Variants in TNC observed in about 807,000 individuals in gnomAD.
TNC encodes tenascin C.
TNC carries 109 observed loss-of-function variants against 202.4 expected under a neutral mutation model. That is an observed-to-expected ratio of 0.54 (90% CI 0.46 to 0.63). TNC has a LOEUF of 0.63. Among genes scored for constraint, TNC ranks in the 30% least tolerant of loss-of-function variants. The probability of loss-of-function intolerance (pLI) is 0.00; values close to 1 mark genes in which losing one functional copy is unlikely to be tolerated. For missense variants in TNC, 2,756 were observed against 2,833.3 expected (o/e 0.97, Z 0.62); for synonymous variants, 1,007 against 1,089.7 (o/e 0.92, Z 1.50).
At position 115,081,806 on chromosome 9, in the gene TNC, G is replaced by T. The variant is rs775361900; in HGVS notation, c.2370C>A (p.Thr790=). 3.1e-6 allele frequency: 5 copies of T among 1,613,440 alleles called. No homozygotes were observed. The highest frequency in any genetic ancestry group is 4.2e-6 in the Non-Finnish European group (5 of 1,179,888). Residue 790 remains threonine, a synonymous_variant, in exon 6 of 28, where the codon ACC becomes ACA. Transcript: ENST00000350763. ...TCACCCTCTTCAGGCCAGGGCCCCG[G>T]GTATTGTTTTTCACTATGTGCAGAG... ...EISLHIVKNN[T]RGPGLKRVTT...
chr9:115,049,312 A>G (rs1288097086), intron 15 of TNC, among the ~76,000 whole-genome samples: 3 of 152,124 alleles, frequency 2.0e-5, no homozygotes, highest in Non-Finnish European at 4.4e-5. Context: ...AAAAGGAGTG[A>G]GCTTATGTTG....
rs1308370751 is a variant in TNC, at chr9:115,086,035, C to T, written c.1696G>A (p.Asp566Asn). 6.2e-7 allele frequency: 1 copy of T among 1,614,180 alleles called. No individual in the cohort carries two copies. The highest frequency in any genetic ancestry group is 1.7e-5 in the Admixed American group (1 of 60,028). ...KDCKEQRCPS[D>N]CHGQGRCVDG... Reference sequence around the variant, plus strand: ...ACGCAGCGGCCCTGGCCATGACAGTCACTGGGACATCTTTGCTCCTTGCAG... The same window carrying T: ...ACGCAGCGGCCCTGGCCATGACAGTTACTGGGACATCTTTGCTCCTTGCAG... Residue 566 changes from aspartate to asparagine, a missense_variant, in exon 3 of 28, where the codon GAC becomes AAC. Physicochemically the swap from Asp to Asn is conservative, Grantham distance 23. Coordinates refer to ENST00000350763, the MANE Select transcript of TNC (RefSeq NM_002160.4).
chr9:115,036,385 T>A, intron 20 of TNC, 144 bp from the exon 21 acceptor site: 1 of 881,044 alleles, frequency 1.1e-6, no homozygotes, highest in Non-Finnish European at 1.8e-6. Flanking sequence ...CTGAAATGAC[T>A]CACGCTCTCT....
chr9:115,060,112 T>G, intron 13 of TNC, 110 bp from the exon 14 acceptor site: 1 of 1,256,086 alleles, frequency 8.0e-7, no homozygotes, highest in Non-Finnish European at 1.1e-6. Flanking sequence ...ATAATTTTTT[T>G]TTTTAATTCT....
rs765332238 is a variant in TNC at position 115,064,068 on chromosome 9, C to T, written c.3488G>A (p.Gly1163Glu). The T allele has an allele frequency of 2.5e-6, 4 of 1,601,590 alleles. No homozygotes were observed. The Admixed American group carries it at 6.8e-5, about 27-fold the overall frequency. Residue 1163 changes from glycine to glutamate, a missense_variant and splice_region_variant, in exon 12 of 28, where the codon GGG becomes GAG. By Grantham distance (98) the Gly-to-Glu change is moderately conservative. Coordinates refer to ENST00000350763, the MANE Select transcript of TNC (RefSeq NM_002160.4). ...TPVLSAEAST[G>E]ETPNLGEVVV... Reference sequence around the variant, plus strand: ...GACCTCTCCCAAATTGGGAGTTTCCCCTGGAGAAGGACAAAGAACTAGTTT... The same window carrying T: ...GACCTCTCCCAAATTGGGAGTTTCCTCTGGAGAAGGACAAAGAACTAGTTT...
At chr9:115,096,136 G>A (rs1835770991) in intron 1 of TNC, among the ~76,000 whole-genome samples, 1 of 152,116 alleles carries the variant, frequency 6.6e-6, no homozygotes. Flanking sequence ...TTGTTTTTGT[G>A]AGATTTTCTG....
At chr9:115,056,282 A>G (rs557365691) in intron 15 of TNC, among the ~76,000 whole-genome samples, 1 of 149,664 alleles carries the variant, frequency 6.7e-6, no homozygotes, top group East Asian at 2.0e-4. Flanking sequence ...CTAGTTTGTG[A>G]TTTCTTCATT....
At position 115,052,697 on chromosome 9, in the gene TNC, T is replaced by C. The variant is rs1228155946; in HGVS notation, c.4580-4165A>G. On this transcript the variant is annotated intron_variant, in intron 15 of 27. Coordinates refer to ENST00000350763, the MANE Select transcript of TNC (RefSeq NM_002160.4). ...TTTTCCTTTAAGATGACTTATCTCC[T>C]TTTCTCTCTGTGTTAGACAAGTGAG... The C allele has an allele frequency of 9.0e-6, 6 of 669,502 alleles. No individual in the cohort carries two copies. The East Asian group carries it at 1.4e-4, about 15-fold the overall frequency. The allele number at this position is 669,502 out of a possible 1,614,324, so 41.5% of individuals were successfully genotyped here. A position where few individuals can be genotyped will look rare whatever the true frequency, so the allele number is the denominator to read the frequency against.
rs545106683 is a variant in TNC, at chr9:115,076,976, C to T, written c.2675-401G>A. On this transcript the variant is annotated intron_variant, in intron 7 of 27. Coordinates refer to ENST00000350763, the MANE Select transcript of TNC (RefSeq NM_002160.4). ...GTGTTGGTGCGATCTCGGCTCACTG[C>T]AACCCCTGCTTCCCAGGTTCAAGTG... 3.9e-5 allele frequency among the ~76,000 whole-genome samples: 6 copies of T among 152,328 alleles called. No individual in the cohort carries two copies. In the South Asian group the frequency reaches 1.2e-3, roughly 32 times the overall value.
At position 115,050,650 on chromosome 9, in the gene TNC, T is replaced by C. The variant is rs922605559; in HGVS notation, c.4580-2118A>G. On this transcript the variant is annotated intron_variant, in intron 15 of 27. Coordinates refer to ENST00000350763, the MANE Select transcript of TNC (RefSeq NM_002160.4). ...ATGATTGCATAGGTCTATTGTTCTA[T>C]CTAGCCTTATTGGTTATTTTTAAGA... Among the ~76,000 whole-genome samples the C allele has an allele frequency of 2.6e-5, 4 of 152,228 alleles. No individual in the cohort carries two copies. The East Asian group carries it at 5.8e-4, about 22-fold the overall frequency.
At chr9:115,068,136 C>A (rs567405050) in intron 10 of TNC, among the ~76,000 whole-genome samples, 178 of 152,278 alleles carry the variant, frequency 1.2e-3, no homozygotes, top group African/African-American at 4.1e-3. Flanking sequence ...ATTTCAACTG[C>A]AAATGACATA....
intron 6 of TNC, among the ~76,000 whole-genome samples, chr9:115,079,789 G>T (rs1834160313): frequency 6.6e-6 from 1 of 152,158 alleles, no homozygotes; most frequent in Admixed American, 6.5e-5. Context: ...TGAATCCAAA[G>T]CCCATCCTTT....
At position 115,076,042 on chromosome 9, in the gene TNC, G is replaced by A. The variant is rs759747860; in HGVS notation, c.2940C>T (p.Asn980=). 126 of 1,613,964 alleles carry A rather than the reference G, an allele frequency of 7.8e-5. No individual in the cohort carries two copies. In the Middle Eastern group the frequency reaches 1.2e-3, roughly 15 times the overall value. ...EDKESNPATI[N]AATELDTPKD... ...CCAGGTGTGCCCCACCTGTGGCTGCGTTGATGGTCGCTGGATTGCTCTCCT... is the reference window on the plus strand; with the variant it reads ...CCAGGTGTGCCCCACCTGTGGCTGCATTGATGGTCGCTGGATTGCTCTCCT... The change falls in exon 9 of 28, where the codon AAC becomes AAT. Residue 980 remains asparagine (N), a synonymous_variant. Transcript: ENST00000350763.
In TNC at chr9:115,092,495, G is replaced by A. The variant is rs371700644; in HGVS notation, c.-136-1341C>T. ...AGGCATGTGAGAATGATCTATACAC[G>A]ATATGAAGTCATTCATGGTTTTCTT... On this transcript the variant is annotated intron_variant, in intron 1 of 27. Coordinates refer to ENST00000350763, the MANE Select transcript of TNC (RefSeq NM_002160.4). 2.6e-5 allele frequency among the ~76,000 whole-genome samples: 4 copies of A among 152,154 alleles called. No individual in the cohort carries two copies. In the East Asian group the frequency reaches 5.8e-4, roughly 22 times the overall value.
At chr9:115,094,814 CCTCTGTGTGTGT>C (rs1269583409) in intron 1 of TNC, among the ~76,000 whole-genome samples, 3,151 of 66,738 alleles carry the variant, frequency 0.047, 43 homozygotes, top group African/African-American at 0.058. Context: ...AGAACAAGTG[CCTCTGTGTGTGT>C]GTGTGTGTGT....
chr9:115,092,130 G>A (rs1000340197), intron 1 of TNC, among the ~76,000 whole-genome samples: 15 of 152,188 alleles, frequency 9.9e-5, no homozygotes, highest in African/African-American at 3.6e-4. Flanking sequence ...GAATGTATAG[G>A]ATTTGTTTTG....
At chr9:115,036,353 TGCGGAAAAGCAGG>T in intron 20 of TNC, 112 bp from the exon 21 acceptor site, 100 of 1,243,622 alleles carry the variant, frequency 8.0e-5, no homozygotes, top group Admixed American at 2.7e-4. Flanking sequence ...TCAGTGACCC[TGCGGAAAAGCAGG>T]TCTGATTTCT....
At chr9:115,028,764 G>A (rs1587996575) in intron 25 of TNC, among the ~76,000 whole-genome samples, 2 of 151,806 alleles carry the variant, frequency 1.3e-5, no homozygotes, top group East Asian at 1.9e-4. Context: ...GTAAAGTGCC[G>A]ATTTACTGAG....
intron 15 of TNC, among the ~76,000 whole-genome samples, chr9:115,050,756 A>C (rs1005743869): frequency 6.6e-6 from 1 of 152,158 alleles, no homozygotes; most frequent in African/African-American, 2.4e-5. Flanking sequence ...TAGGCAGTTA[A>C]ATTTCACCAA....
Sources: allele counts gnomAD v4.1 joint callset (sites outside exome capture counted in the v4.1 genomes callset), GRCh38; gene constraint gnomAD v4.1.1; transcripts MANE v1.5; gene names NCBI Gene and HGNC (gene_info 2026-07-23, HGNC 2026-07-21).